Variants in DLG2 observed in about 807,000 individuals in gnomAD.
The protein encoded by DLG2 is discs large MAGUK scaffold protein 2, also known as disks large homolog 2.
A neutral mutation model predicts 132.5 loss-of-function variants in DLG2; 45 were observed. The ratio of observed to expected loss-of-function variants is 0.34; its 90% CI spans 0.27 to 0.44. The LOEUF is 0.44. Among genes scored for constraint, DLG2 ranks in the 20% least tolerant of loss-of-function variants. DLG2 has a pLI of 1.00. For missense variants in DLG2, 1,045 were observed against 1,196.9 expected, an observed-to-expected ratio of 0.87 and a Z score of 1.87; for synonymous variants, 424 against 419.6, an observed-to-expected ratio of 1.01 and a Z score of -0.13.
At chr11:84,901,778 T>C (rs549941332) in intron 6 of DLG2, among the ~76,000 whole-genome samples, 1 of 152,204 alleles carries the variant, frequency 6.6e-6, no homozygotes, top group South Asian at 2.1e-4. Flanking sequence ...AAATCTAGTT[T>C]GACATCAACA....
chr11:84,221,765 A>T (rs981945429), intron 8 of DLG2, among the ~76,000 whole-genome samples: 2 of 152,156 alleles, frequency 1.3e-5, no homozygotes, highest in African/African-American at 4.8e-5. Flanking sequence ...CTCTTTGCTT[A>T]TCCACAGTGA....
intron 3 of DLG2, among the ~76,000 whole-genome samples, chr11:85,337,123 TTAAGTAA>T (rs1159910919): frequency 6.6e-6 from 1 of 152,258 alleles, no homozygotes; most frequent in East Asian, 1.9e-4. Flanking sequence ...GCTAGGACAC[TTAAGTAA>T]TAATATGTGA....
intron 7 of DLG2, among the ~76,000 whole-genome samples, chr11:84,442,710 GAA>G (rs1416416396): frequency 6.7e-6 from 1 of 149,746 alleles, no homozygotes; most frequent in African/African-American, 2.5e-5. Flanking sequence ...TAAAAAAAAA[GAA>G]AGAAAGAAAG....
chr11:85,502,515 G>A (rs933474250), intron 3 of DLG2, among the ~76,000 whole-genome samples: 3 of 152,082 alleles, frequency 2.0e-5, no homozygotes, highest in African/African-American at 7.2e-5. Context: ...ATGGATGAAG[G>A]TGGAAGCCAT....
chr11:84,182,633 T>C (rs1360860328), intron 8 of DLG2, among the ~76,000 whole-genome samples: 1 of 152,116 alleles, frequency 6.6e-6, no homozygotes, highest in Non-Finnish European at 1.5e-5. Flanking sequence ...TAGCATCGAA[T>C]GAATGTATAT....
intron 3 of DLG2, among the ~76,000 whole-genome samples, chr11:85,497,611 C>A (rs914780930): frequency 3.9e-5 from 6 of 151,982 alleles, no homozygotes; most frequent in Non-Finnish European, 5.9e-5. Flanking sequence ...AGAGCAACAC[C>A]AAGACACAAA....
chr11:83,995,605 T>A (rs576227506), intron 11 of DLG2, among the ~76,000 whole-genome samples: 1 of 152,274 alleles, frequency 6.6e-6, no homozygotes, highest in South Asian at 2.1e-4. Context: ...CAAAACAGTA[T>A]GATACTGGCA....
chr11:85,013,363 G>A (rs1411400012), intron 6 of DLG2, among the ~76,000 whole-genome samples: 1 of 152,102 alleles, frequency 6.6e-6, no homozygotes, highest in Non-Finnish European at 1.5e-5. Flanking sequence ...ACTTCTGGTT[G>A]CTCTGAAGTA....
At chr11:84,699,977 T>G (rs148762153) in intron 6 of DLG2, among the ~76,000 whole-genome samples, 1 of 151,716 alleles carries the variant, frequency 6.6e-6, no homozygotes, top group Non-Finnish European at 1.5e-5. Flanking sequence ...TTAGACTATT[T>G]ATTCATCTGT....
In DLG2 at chr11:85,184,721, C is replaced by T. The variant is rs145770801; in HGVS notation, c.187-30070G>A. The stretch of plus-strand genomic sequence containing the variant: ...GTTAAAATTTTAATATAAACTTGAA[C>T]AGTATTAGAAGTTAGACCACTATTT... On this transcript the variant is annotated intron_variant, in intron 4 of 27. Coordinates refer to ENST00000376104, the MANE Select transcript of DLG2 (RefSeq NM_001142699.3). 2.4e-4 allele frequency among the ~76,000 whole-genome samples: 37 copies of T among 151,662 alleles called. No individual in the cohort carries two copies. The East Asian group carries it at 4.7e-3, about 19-fold the overall frequency.
At chr11:84,589,675 T>C (rs1437112540) in intron 6 of DLG2, among the ~76,000 whole-genome samples, 1 of 152,218 alleles carries the variant, frequency 6.6e-6, no homozygotes, top group Non-Finnish European at 1.5e-5. Flanking sequence ...CATCAATATG[T>C]TCTATAATTA....
chr11:84,171,685 T>C (rs1207829468), intron 8 of DLG2, among the ~76,000 whole-genome samples: 2 of 152,288 alleles, frequency 1.3e-5, no homozygotes, highest in South Asian at 2.1e-4. Flanking sequence ...AATAAATATA[T>C]GAGTGCAGGT....
intron 11 of DLG2, among the ~76,000 whole-genome samples, chr11:83,998,058 C>T (rs887934277): frequency 6.6e-6 from 1 of 151,920 alleles, no homozygotes; most frequent in Non-Finnish European, 1.5e-5. Context: ...ATCACTTGAA[C>T]CCGGGAGGTG....
intron 5 of DLG2, among the ~76,000 whole-genome samples, chr11:85,115,632 C>A (rs1337840505): frequency 6.6e-6 from 1 of 151,934 alleles, no homozygotes; most frequent in Non-Finnish European, 1.5e-5. Flanking sequence ...AAGTATTTAA[C>A]TCTGGCTGGG....
intron 6 of DLG2, among the ~76,000 whole-genome samples, chr11:84,996,281 T>A (rs1338649669): frequency 1.3e-5 from 2 of 152,114 alleles, no homozygotes; most frequent in Non-Finnish European, 1.5e-5. Context: ...AGCCACTATC[T>A]CCTCCAAAAT....
chr11:85,274,938 A>T (rs2077792335), intron 4 of DLG2, among the ~76,000 whole-genome samples: 3 of 152,166 alleles, frequency 2.0e-5, no homozygotes, highest in Admixed American at 2.0e-4. Context: ...TTCTGTCCAG[A>T]CATATTTCTA....
At chr11:83,640,611 G>T (rs1034698143) in intron 18 of DLG2, among the ~76,000 whole-genome samples, 1 of 152,124 alleles carries the variant, frequency 6.6e-6, no homozygotes, top group Non-Finnish European at 1.5e-5. Flanking sequence ...TGGGGATACC[G>T]AATCCACTGA....
chr11:84,812,081 C>T (rs188818188), intron 6 of DLG2, among the ~76,000 whole-genome samples: 72 of 152,170 alleles, frequency 4.7e-4, no homozygotes, highest in Non-Finnish European at 7.2e-4. Context: ...TAGATAAAAG[C>T]GTTTCAGACA....
In DLG2 at chr11:84,774,618, C is replaced by T. The variant is rs956449705; in HGVS notation, c.358-239887G>A. 3.3e-5 allele frequency among the ~76,000 whole-genome samples: 5 copies of T among 151,430 alleles called. No homozygotes were observed. In the East Asian group the frequency reaches 5.8e-4, roughly 18 times the overall value. Reference sequence around the variant, plus strand: ...AAACAGAAACATAGACCAATGGGGCCGAGAACGCAGAAATAAAGCTGCACA... The same window carrying T: ...AAACAGAAACATAGACCAATGGGGCTGAGAACGCAGAAATAAAGCTGCACA... On this transcript the variant is annotated intron_variant, in intron 6 of 27. Coordinates refer to ENST00000376104, the MANE Select transcript of DLG2 (RefSeq NM_001142699.3).
Sources: gnomAD v4.1 joint callset for allele counts (sites outside exome capture counted in the v4.1 genomes callset) on GRCh38, gnomAD v4.1.1 for gene constraint, MANE v1.5 for transcripts, NCBI Gene and HGNC (gene_info 2026-07-23, HGNC 2026-07-21) for gene names.